PSMA2: variants seen among roughly 807,000 people sequenced by gnomAD.
PSMA2 encodes proteasome subunit alpha type-2.
In PSMA2, 2 loss-of-function variants were observed where a neutral mutation model predicts 35.9. The observed-to-expected ratio is 0.06, with a 90% CI of 0.02 to 0.18. The LOEUF is 0.18. Among genes scored for constraint, PSMA2 ranks in the 10% least tolerant of loss-of-function variants. PSMA2 has a pLI of 1.00. For missense variants in PSMA2, 126 were observed against 278.8 expected (o/e 0.45, Z 3.90); for synonymous variants, 97 against 98.2 (o/e 0.99, Z 0.07).
At chr7:42,919,831 G>GTCCT in intron 6 of PSMA2, 1 of 729,046 alleles carries the variant, frequency 1.4e-6, no homozygotes, top group Non-Finnish European at 2.6e-6. Context: ...TCCTACAAAG[G>GTCCT]ACACTCTGGT....
intron 1 of PSMA2, among the ~76,000 whole-genome samples, chr7:42,930,206 AACAC>A (rs58987065): frequency 2.3e-3 from 346 of 149,210 alleles, no homozygotes; most frequent in African/African-American, 7.9e-3. Context: ...ACCATGTTAA[AACAC>A]ACACACACAC....
At chr7:42,926,037 C>CCCTG in intron 3 of PSMA2, among the ~76,000 whole-genome samples, 1 of 152,306 alleles carries the variant, frequency 6.6e-6, no homozygotes, top group Admixed American at 6.5e-5. Context: ...ATTACACAAG[C>CCCTG]ATTGGGATCC....
chr7:42,921,270 C>T (rs1420023806), intron 6 of PSMA2: 1 of 152,182 alleles, frequency 6.6e-6, no homozygotes, highest in Non-Finnish European at 1.5e-5. Context: ...GCAACTATTA[C>T]ATATCAAGAA....
At chr7:42,922,081 A>G in intron 5 of PSMA2, 150 bp from the exon 6 acceptor site, 1 of 656,642 alleles carries the variant, frequency 1.5e-6, no homozygotes. Context: ...AGAATAGGTT[A>G]TTTTTTAAGA....
chr7:42,927,293 G>A, intron 2 of PSMA2, 90 bp downstream of exon 2: 2 of 1,148,500 alleles, frequency 1.7e-6, no homozygotes, highest in Non-Finnish European at 1.3e-6. Flanking sequence ...TTATACTGCT[G>A]CAGCTCTGTA....
intron 5 of PSMA2, among the ~76,000 whole-genome samples, chr7:42,922,491 T>C (rs980231394): frequency 2.0e-5 from 3 of 151,430 alleles, no homozygotes; most frequent in Non-Finnish European, 4.4e-5. Context: ...CAGAGGAAAA[T>C]AGGACAAAAG....
At chr7:42,923,090 T>G (rs1786152133) in intron 5 of PSMA2, among the ~76,000 whole-genome samples, 1 of 152,168 alleles carries the variant, frequency 6.6e-6, no homozygotes, top group Non-Finnish European at 1.5e-5. Context: ...CACCCAAGTG[T>G]ATGAAGTTAA....
chr7:42,925,338 G>A (rs190073596), intron 3 of PSMA2, among the ~76,000 whole-genome samples: 1 of 152,338 alleles, frequency 6.6e-6, no homozygotes, highest in South Asian at 2.1e-4. Flanking sequence ...TTAAAAGGCT[G>A]AGGCAGGAAG....
At chr7:42,919,518 C>G (rs1786090696) in intron 6 of PSMA2, 4 of 511,058 alleles carry the variant, frequency 7.8e-6, no homozygotes, top group South Asian at 1.6e-5. Flanking sequence ...TAAACAGATT[C>G]TTTCTTCTGA....
chr7:42,920,797 CG>C (rs1562700623), intron 6 of PSMA2: 1 of 152,096 alleles, frequency 6.6e-6, no homozygotes, highest in African/African-American at 2.4e-5. Context: ...AACGGAGTTA[CG>C]AAGTTTTTTA....
At chr7:42,922,986 A>C (rs1037863325) in intron 5 of PSMA2, among the ~76,000 whole-genome samples, 27 of 152,200 alleles carry the variant, frequency 1.8e-4, no homozygotes, top group Non-Finnish European at 8.8e-5. Context: ...ACTGATGGCA[A>C]ACACTACAAC....
At chr7:42,927,247 C>A in intron 2 of PSMA2, 136 bp downstream of exon 2, 1 of 754,420 alleles carries the variant, frequency 1.3e-6, no homozygotes, top group Non-Finnish European at 2.1e-6. Flanking sequence ...TATTTAAACT[C>A]CAAAACACTG....
At chr7:42,919,952 A>T (rs1786100313) in intron 6 of PSMA2, 2 of 750,660 alleles carry the variant, frequency 2.7e-6, no homozygotes, top group Non-Finnish European at 5.0e-6. Flanking sequence ...GGCCTTTGGA[A>T]ATGTGTGCTT....
chr7:42,924,642 C>A (rs1389736724), intron 4 of PSMA2, 33 bp downstream of exon 4: 2 of 1,593,176 alleles, frequency 1.3e-6, no homozygotes, highest in African/African-American at 2.7e-5. Context: ...CCCTACAATT[C>A]ATGGCACATT....
chr7:42,931,586 GT>G (rs1786313568), intron 1 of PSMA2, among the ~76,000 whole-genome samples: 1 of 151,902 alleles, frequency 6.6e-6, no homozygotes, highest in African/African-American at 2.4e-5. Flanking sequence ...TAGTCCTTAT[GT>G]TTCTAATTCG....
At chr7:42,931,351 C>CGGCGATG (rs1786307385) in intron 1 of PSMA2, among the ~76,000 whole-genome samples, 1 of 152,222 alleles carries the variant, frequency 6.6e-6, no homozygotes, top group Non-Finnish European at 1.5e-5. Flanking sequence ...TAAAAGTCTT[C>CGGCGATG]GGCGATGGTT....
intron 1 of PSMA2, among the ~76,000 whole-genome samples, chr7:42,930,515 T>C (rs1005079615): frequency 2.6e-5 from 4 of 151,798 alleles, no homozygotes; most frequent in Non-Finnish European, 4.4e-5. Flanking sequence ...GTCTCCTGAG[T>C]AGCTGGGATT....
chr7:42,926,909 T>A (rs1334520919), intron 2 of PSMA2, among the ~76,000 whole-genome samples: 3 of 152,320 alleles, frequency 2.0e-5, no homozygotes, highest in African/African-American at 7.2e-5. Context: ...TAAACTTTTG[T>A]AAAGCACTCT....
rs1429516420 is a variant in PSMA2 at position 42,917,085 on chromosome 7, A to T, written c.*489T>A. The T allele has an allele frequency of 6.5e-6, 1 of 154,912 alleles. No individual in the cohort carries two copies. Among genetic ancestry groups the T allele is most frequent in the Admixed American group, 6.5e-5 (1 of 15,464 alleles). The allele number at this position is 154,912 out of a possible 1,614,324, so 9.6% of individuals were successfully genotyped here. ...TCATAGGCCTAGTACAATCTCATAG[A>T]GCACCCTAGGATTTCACTGATCAAT... On this transcript the variant is annotated 3_prime_UTR_variant, in exon 8 of 8. Transcript: ENST00000223321.
Sources: allele counts gnomAD v4.1 joint callset (sites outside exome capture counted in the v4.1 genomes callset), GRCh38; gene constraint gnomAD v4.1.1; transcripts MANE v1.5; gene names NCBI Gene and HGNC (gene_info 2026-07-23, HGNC 2026-07-21).